The following PRKN variants were observed in gnomAD, a reference collection of about 807,000 sequenced individuals.
The protein encoded by PRKN is E3 ubiquitin-protein ligase parkin.
PRKN carries 56 observed loss-of-function variants against 59.5 expected under a neutral mutation model. The observed-to-expected ratio is 0.94, with a 90% confidence interval of 0.76 to 1.18. The LOEUF (loss-of-function observed/expected upper bound fraction) is 1.18, where lower values mean the gene tolerates loss of function less well. Ranked by LOEUF, PRKN falls within the 50% of genes most tolerant of loss-of-function variation. PRKN has a pLI of 0.00. For synonymous variants in PRKN, 250 were observed against 222.1 expected (o/e 1.13, Z -1.12); for missense variants, 657 against 596.4 (o/e 1.10, Z -1.06).
chr6:162,374,647 C>T (rs1344919957), intron 2 of PRKN, among the ~76,000 whole-genome samples: 3 of 151,812 alleles, frequency 2.0e-5, no homozygotes, highest in Middle Eastern at 3.4e-3. Context: ...TTTCAGTTTT[C>T]GGTCTCAGTG....
rs758020471 is a variant in PRKN, at chr6:161,969,430, G to A, written c.734+3872C>T. Reference sequence around the variant, plus strand: ...CCTTGGGAAGTTCATGCTGTTTGGGGTGGGGAGGAGCCTGGCCTCTCCTGA... The same window carrying A: ...CCTTGGGAAGTTCATGCTGTTTGGGATGGGGAGGAGCCTGGCCTCTCCTGA... On this transcript the variant is annotated intron_variant, in intron 6 of 11. Coordinates refer to ENST00000366898, the MANE Select transcript of PRKN (RefSeq NM_004562.3). Among the ~76,000 whole-genome samples the A allele has an allele frequency of 7.9e-5, 12 of 152,118 alleles. 1 individual carries two copies. Among genetic ancestry groups the A allele is most frequent in the Non-Finnish European group, 1.8e-4 (12 of 68,028 alleles).
At chr6:162,149,717 G>C (rs1782181016) in intron 4 of PRKN, among the ~76,000 whole-genome samples, 1 of 152,138 alleles carries the variant, frequency 6.6e-6, no homozygotes, top group Non-Finnish European at 1.5e-5. Context: ...CAGAAATGCA[G>C]AAATAACCCG....
chr6:161,569,298 C>G, intron 8 of PRKN, 57 bp downstream of exon 8: 1 of 1,521,576 alleles, frequency 6.6e-7, no homozygotes, highest in South Asian at 1.1e-5. Context: ...CCCAAACTGT[C>G]TCATTAGCGT....
chr6:162,559,727 T>C (rs1779759101), intron 1 of PRKN, among the ~76,000 whole-genome samples: 1 of 152,248 alleles, frequency 6.6e-6, no homozygotes, highest in African/African-American at 2.4e-5. Flanking sequence ...TAATTACTTT[T>C]AAAAACATCT....
intron 7 of PRKN, among the ~76,000 whole-genome samples, chr6:161,682,993 G>A (rs959705903): frequency 5.3e-5 from 8 of 152,192 alleles, no homozygotes; most frequent in African/African-American, 7.2e-5. Flanking sequence ...TCTGCCTGGC[G>A]GTGGTGAGGG....
intron 3 of PRKN, among the ~76,000 whole-genome samples, chr6:162,233,402 C>G (rs1357401300): frequency 2.0e-5 from 3 of 152,020 alleles, no homozygotes; most frequent in Non-Finnish European, 4.4e-5. Context: ...TAAGGAAATG[C>G]TATACAAATA....
At chr6:162,333,380 G>C (rs1783677958) in intron 2 of PRKN, among the ~76,000 whole-genome samples, 1 of 152,074 alleles carries the variant, frequency 6.6e-6, no homozygotes, top group African/African-American at 2.4e-5. Flanking sequence ...CGTGCATCAA[G>C]CAAGTCCACA....
intron 3 of PRKN, among the ~76,000 whole-genome samples, chr6:162,237,393 C>A (rs367570607): frequency 2.0e-5 from 3 of 152,130 alleles, no homozygotes; most frequent in African/African-American, 4.8e-5. Flanking sequence ...AAACAATTTA[C>A]ATAATGATTT....
intron 1 of PRKN, among the ~76,000 whole-genome samples, chr6:162,611,569 C>G (rs566309535): frequency 2.6e-5 from 4 of 152,274 alleles, no homozygotes; most frequent in South Asian, 4.1e-4. Flanking sequence ...CATCACACCT[C>G]CAGTACAAGG....
chr6:161,486,515 G>A (rs570888271), intron 9 of PRKN, among the ~76,000 whole-genome samples: 23 of 152,262 alleles, frequency 1.5e-4, no homozygotes, highest in African/African-American at 5.1e-4. Flanking sequence ...ACAGAGGCTC[G>A]GAGCAGATAA....
chr6:161,622,377 C>T (rs1782937775), intron 7 of PRKN, among the ~76,000 whole-genome samples: 1 of 152,182 alleles, frequency 6.6e-6, no homozygotes, highest in Admixed American at 6.5e-5. Context: ...AGCACCAGGC[C>T]TGCCCCTTTC....
At chr6:161,387,136 A>G (rs1362857974) in intron 9 of PRKN, among the ~76,000 whole-genome samples, 1 of 152,150 alleles carries the variant, frequency 6.6e-6, no homozygotes, top group Non-Finnish European at 1.5e-5. Flanking sequence ...TTTCCAGTCT[A>G]GTGGAAGACA....
At chr6:161,724,259 C>T (rs560853665) in intron 7 of PRKN, among the ~76,000 whole-genome samples, 8 of 152,050 alleles carry the variant, frequency 5.3e-5, no homozygotes, top group East Asian at 1.9e-4. Flanking sequence ...TCAAAGTGAT[C>T]GTGAATAGCA....
intron 7 of PRKN, among the ~76,000 whole-genome samples, chr6:161,731,152 T>C (rs1271809439): frequency 6.6e-6 from 1 of 152,274 alleles, no homozygotes; most frequent in Non-Finnish European, 1.5e-5. Context: ...CCTGATATGT[T>C]GCACTCTGAT....
At chr6:161,904,988 C>T (rs73024503) in intron 6 of PRKN, among the ~76,000 whole-genome samples, 7,882 of 152,132 alleles carry the variant, frequency 0.052, 259 homozygotes, top group Non-Finnish European at 0.076. Context: ...AACTCTTACA[C>T]GGACTTAAAT....
chr6:161,729,285 T>G (rs987030088), intron 7 of PRKN, among the ~76,000 whole-genome samples: 2 of 152,158 alleles, frequency 1.3e-5, no homozygotes, highest in African/African-American at 4.8e-5. Flanking sequence ...GACACCAAGC[T>G]TTACATAAAA....
intron 7 of PRKN, among the ~76,000 whole-genome samples, chr6:161,620,694 G>C (rs1387558028): frequency 6.6e-6 from 1 of 152,152 alleles, no homozygotes; most frequent in Non-Finnish European, 1.5e-5. Flanking sequence ...TAGATTATTG[G>C]TCAGGATAGT....
intron 1 of PRKN, among the ~76,000 whole-genome samples, chr6:162,514,022 G>A (rs1346464039): frequency 1.3e-5 from 2 of 151,598 alleles, no homozygotes; most frequent in Non-Finnish European, 2.9e-5. Context: ...CTCTAGCTTG[G>A]GCGACACAGC....
At chr6:161,823,599 T>C (rs1334100362) in intron 6 of PRKN, among the ~76,000 whole-genome samples, 1 of 152,122 alleles carries the variant, frequency 6.6e-6, no homozygotes, top group African/African-American at 2.4e-5. Context: ...GAAAGGATGG[T>C]ATTACAGATT....
Sources: allele counts gnomAD v4.1 joint callset (sites outside exome capture counted in the v4.1 genomes callset), GRCh38; gene constraint gnomAD v4.1.1; transcripts MANE v1.5; gene names NCBI Gene and HGNC (gene_info 2026-07-23, HGNC 2026-07-21).